Variants in CIMIP6 observed in about 807,000 individuals in gnomAD.
The protein encoded by CIMIP6 is ciliary microtubule inner protein 6, also known as uncharacterized protein C2orf73.
At chr2:54,355,110 T>G in the CIMIP6 span, among the ~76,000 whole-genome samples, 1 of 152,284 alleles carries the variant, frequency 6.6e-6, no homozygotes, top group East Asian at 1.9e-4. Flanking sequence ...AAAATTTGGT[T>G]GGATATAAAA....
At chr2:54,355,568 C>A in the CIMIP6 span, among the ~76,000 whole-genome samples, 1 of 152,024 alleles carries the variant, frequency 6.6e-6, no homozygotes, top group Non-Finnish European at 1.5e-5. Flanking sequence ...TCCTTCCCTT[C>A]CCTCTATTTC....
the CIMIP6 span, chr2:54,360,456 C>G: frequency 6.3e-7 from 1 of 1,588,338 alleles, no homozygotes; most frequent in Non-Finnish European, 8.6e-7. Flanking sequence ...TGCCCCAGCA[C>G]TCCTGAGAGC....
chr2:54,335,224 T>G, the CIMIP6 span, among the ~76,000 whole-genome samples: 3 of 152,214 alleles, frequency 2.0e-5, no homozygotes, highest in African/African-American at 7.2e-5. Flanking sequence ...GGAGGGAATC[T>G]AAGTAATTGT....
the CIMIP6 span, among the ~76,000 whole-genome samples, chr2:54,380,841 A>G: frequency 6.6e-6 from 1 of 152,138 alleles, no homozygotes; most frequent in Non-Finnish European, 1.5e-5. Context: ...GGCACAAAAG[A>G]CGTAGTTGGT....
the CIMIP6 span, among the ~76,000 whole-genome samples, chr2:54,369,442 C>G: frequency 6.6e-6 from 1 of 152,086 alleles, no homozygotes; most frequent in Non-Finnish European, 1.5e-5. Context: ...GTCCATGAAG[C>G]AAGAACAATT....
At chr2:54,377,237 G>A in the CIMIP6 span, among the ~76,000 whole-genome samples, 4 of 152,032 alleles carry the variant, frequency 2.6e-5, no homozygotes, top group East Asian at 1.9e-4. Context: ...AATTTCCGTC[G>A]TGTAGCTACA....
the CIMIP6 span, among the ~76,000 whole-genome samples, chr2:54,366,733 C>G: frequency 6.6e-6 from 1 of 151,640 alleles, no homozygotes; most frequent in African/African-American, 2.4e-5. Flanking sequence ...AGTAATATCT[C>G]AAAAATACTG....
chr2:54,361,478 T>A, the CIMIP6 span: 1 of 152,198 alleles, frequency 6.6e-6, no homozygotes, highest in Non-Finnish European at 1.5e-5. Flanking sequence ...CAAATTTCCA[T>A]TGGGAAATAT....
the CIMIP6 span, among the ~76,000 whole-genome samples, chr2:54,364,371 T>G: frequency 6.6e-6 from 1 of 152,248 alleles, no homozygotes; most frequent in Admixed American, 6.5e-5. Flanking sequence ...CATCATTTAT[T>G]ATTAAAGTCA....
chr2:54,373,345 C>G, the CIMIP6 span, among the ~76,000 whole-genome samples: 1 of 152,022 alleles, frequency 6.6e-6, no homozygotes. Flanking sequence ...TTCACACCCC[C>G]CATGGCTGTA....
the CIMIP6 span, among the ~76,000 whole-genome samples, chr2:54,340,751 C>T: frequency 2.6e-5 from 4 of 152,132 alleles, no homozygotes; most frequent in African/African-American, 9.7e-5. Flanking sequence ...AAGAAATTTG[C>T]TCAAAAGATG....
chr2:54,379,015 G>A, the CIMIP6 span, among the ~76,000 whole-genome samples: 18 of 152,114 alleles, frequency 1.2e-4, no homozygotes, highest in Non-Finnish European at 7.3e-5. Flanking sequence ...AGCTTCACAC[G>A]CAGCAGGCAC....
At chr2:54,343,773 C>CGACT in the CIMIP6 span, 1 of 1,612,558 alleles carries the variant, frequency 6.2e-7, no homozygotes, top group Non-Finnish European at 8.5e-7. Context: ...TACCACCTTA[C>CGACT]GACTCTAAGA....
the CIMIP6 span, among the ~76,000 whole-genome samples, chr2:54,371,833 A>G: frequency 6.6e-6 from 1 of 152,152 alleles, no homozygotes; most frequent in African/African-American, 2.4e-5. Context: ...AACTGAGTCT[A>G]TGGAAGCAGG....
chr2:54,332,795 A>G, the CIMIP6 span, among the ~76,000 whole-genome samples: 9 of 152,250 alleles, frequency 5.9e-5, no homozygotes, highest in Non-Finnish European at 1.2e-4. Context: ...GAAAAAACTG[A>G]TGCCAGAAGC....
At chr2:54,347,509 G>C in the CIMIP6 span, among the ~76,000 whole-genome samples, 1 of 152,302 alleles carries the variant, frequency 6.6e-6, no homozygotes, top group South Asian at 2.1e-4. Context: ...TAGCCAACCA[G>C]TCCCTTCCAC....
chr2:54,352,483 T>C, the CIMIP6 span, among the ~76,000 whole-genome samples: 257 of 152,290 alleles, frequency 1.7e-3, 2 homozygotes, highest in African/African-American at 5.8e-3. Context: ...CCTTACAACA[T>C]GATGTTTTGA....
At chr2:54,377,188 G>A in the CIMIP6 span, among the ~76,000 whole-genome samples, 29 of 152,102 alleles carry the variant, frequency 1.9e-4, no homozygotes, top group Admixed American at 1.4e-3. Flanking sequence ...TTGAACCCAC[G>A]CTCCCTGAAA....
the CIMIP6 span, among the ~76,000 whole-genome samples, chr2:54,336,027 C>T: frequency 9.2e-5 from 14 of 152,288 alleles, no homozygotes; most frequent in Admixed American, 2.6e-4. Context: ...ATCACATCTG[C>T]AAAGTCCCTT....
Sources: gnomAD v4.1 joint callset for allele counts (sites outside exome capture counted in the v4.1 genomes callset) on GRCh38, gnomAD v4.1.1 for gene constraint, MANE v1.5 for transcripts, NCBI Gene and HGNC (gene_info 2026-07-23, HGNC 2026-07-21) for gene names.